The following FRRS1 variants were observed in gnomAD, a reference collection of about 807,000 sequenced individuals.
FRRS1 encodes ferric reductase 1.
Under a neutral mutation model 70.7 loss-of-function variants are expected in FRRS1, and 51 were observed. That is an observed-to-expected ratio of 0.72 (90% CI 0.58 to 0.91). The LOEUF (loss-of-function observed/expected upper bound fraction) is 0.91. Among genes scored for constraint, FRRS1 ranks in the 40% least tolerant of loss-of-function variants. The pLI, the probability that FRRS1 is intolerant of heterozygous loss-of-function variation, is 0.00. For missense variants in FRRS1, 672 were observed against 726.0 expected, an observed-to-expected ratio of 0.93 and a Z score of 0.86; for synonymous variants, 225 against 238.7, an observed-to-expected ratio of 0.94 and a Z score of 0.53.
chr1:99,756,452 AG>A (rs199569823), intron 1 of FRRS1, among the ~76,000 whole-genome samples: 1 of 46,976 alleles, frequency 2.1e-5, no homozygotes, highest in African/African-American at 8.9e-4. Flanking sequence ...CCTCAAAGCA[AG>A]TATATTCTTC....
At chr1:99,712,593 A>G in intron 12 of FRRS1, 78 bp from the exon 13 acceptor site, 1 of 708,342 alleles carries the variant, frequency 1.4e-6, no homozygotes, top group Non-Finnish European at 2.4e-6. Context: ...TAATACACAC[A>G]GATGTATTCT....
intron 1 of FRRS1, among the ~76,000 whole-genome samples, chr1:99,760,972 G>C (rs1657088801): frequency 6.6e-6 from 1 of 152,064 alleles, no homozygotes; most frequent in Admixed American, 6.6e-5. Flanking sequence ...TTCTGAAAAA[G>C]ATTTTAGAGT....
intron 8 of FRRS1, 38 bp downstream of exon 8, chr1:99,729,612 G>C (rs750626964): frequency 1.5e-6 from 2 of 1,292,972 alleles, no homozygotes; most frequent in Non-Finnish European, 2.2e-6. Context: ...CCGGAAAGCG[G>C]GTCTCCAGGT....
chr1:99,735,408 G>T (rs1031450501), intron 7 of FRRS1, among the ~76,000 whole-genome samples: 1 of 152,106 alleles, frequency 6.6e-6, no homozygotes, highest in Non-Finnish European at 1.5e-5. Flanking sequence ...TGAAAAAGGG[G>T]TATAATTTAG....
At chr1:99,753,907 A>C (rs1656699976) in intron 1 of FRRS1, among the ~76,000 whole-genome samples, 1 of 152,248 alleles carries the variant, frequency 6.6e-6, no homozygotes, top group Non-Finnish European at 1.5e-5. Flanking sequence ...CCCACTTTAA[A>C]TATAAAGACA....
intron 7 of FRRS1, among the ~76,000 whole-genome samples, chr1:99,730,750 C>A (rs1655330582): frequency 1.3e-5 from 2 of 151,894 alleles, no homozygotes; most frequent in African/African-American, 4.8e-5. Flanking sequence ...GCCTGTAGTC[C>A]CAGCTACTCA....
chr1:99,749,019 A>G lies in FRRS1; in HGVS notation c.-105-18T>C. The G allele has an allele frequency of 3.0e-6, 1 of 338,534 alleles. No homozygotes were observed. Among genetic ancestry groups the G allele is most frequent in the Non-Finnish European group, 5.3e-6 (1 of 187,940 alleles). The allele number at this position is 338,534 out of a possible 1,614,324, so 21.0% of individuals were successfully genotyped here. A position where few individuals can be genotyped will look rare whatever the true frequency, so the allele number is the denominator to read the frequency against. ...TTCCTTACCTGAAAAATAAGGAAACAAAGATCTCTTTTCAATGCTGTTTTT... is the reference window on the plus strand; with the variant it reads ...TTCCTTACCTGAAAAATAAGGAAACGAAGATCTCTTTTCAATGCTGTTTTT... On this transcript the variant is annotated intron_variant, in intron 1 of 16. Coordinates refer to ENST00000646001, the MANE Select transcript of FRRS1 (RefSeq NM_001361041.2).
chr1:99,710,665 A>G (rs1314413471), intron 15 of FRRS1, 141 bp downstream of exon 15: 5 of 652,556 alleles, frequency 7.7e-6, no homozygotes, highest in African/African-American at 1.8e-5. Context: ...GAAAATCACA[A>G]TTTCTAGCAC....
rs995297464 is a variant in FRRS1, at chr1:99,728,430, G to A, written c.1006+63C>T. 5.1e-6 allele frequency: 7 copies of A among 1,374,112 alleles called. No homozygotes were observed. The African/African-American group carries it at 8.7e-5, about 17-fold the overall frequency. 85.1% of individuals were successfully genotyped at this position (1,374,112 alleles called of 1,614,324 possible). ...AATTACAGTAGTTTTTCCAAAAATGGGGGAAAGAGAGGGAAGAAGAGAGAA... is the reference window on the plus strand; with the variant it reads ...AATTACAGTAGTTTTTCCAAAAATGAGGGAAAGAGAGGGAAGAAGAGAGAA... On this transcript the variant is annotated intron_variant, in intron 9 of 16. Coordinates refer to ENST00000646001, the MANE Select transcript of FRRS1 (RefSeq NM_001361041.2).
chr1:99,708,793 A>T lies in FRRS1; in HGVS notation c.*235T>A, dbSNP rs1654139150. The T allele has an allele frequency of 1.4e-6, 1 of 690,024 alleles. No individual in the cohort carries two copies. Among genetic ancestry groups the T allele is most frequent in the Admixed American group, 3.0e-5 (1 of 33,730 alleles). 42.7% of individuals were successfully genotyped at this position (690,024 alleles called of 1,614,324 possible). On this transcript the variant is annotated 3_prime_UTR_variant, in exon 17 of 17. Coordinates refer to ENST00000646001, the MANE Select transcript of FRRS1 (RefSeq NM_001361041.2). Reference sequence around the variant, plus strand: ...TGAGAGTTACTTCTCCTGAAGTACAATCTTTCCTTTAAGACCCAGAATTAC... The same window carrying T: ...TGAGAGTTACTTCTCCTGAAGTACATTCTTTCCTTTAAGACCCAGAATTAC...
chr1:99,742,360 C>G (rs927428254), intron 4 of FRRS1, 87 bp from the exon 5 acceptor site: 2 of 771,066 alleles, frequency 2.6e-6, no homozygotes, highest in Middle Eastern at 2.3e-4. Flanking sequence ...AGTAATTTAT[C>G]ATTGCATGAC....
At chr1:99,731,125 C>T (rs1406800106) in intron 7 of FRRS1, among the ~76,000 whole-genome samples, 2 of 152,004 alleles carry the variant, frequency 1.3e-5, no homozygotes, top group Non-Finnish European at 2.9e-5. Context: ...AAAAAGAATA[C>T]CAAAAAAGAA....
rs1654075152 is a variant in FRRS1 at position 99,707,835 on chromosome 1, T to C, written c.*1193A>G. ...GGAATATAACACTGACTATTCTGAT[T>C]CAGTAGAACATAAAAAATGTCTAAC... On this transcript the variant is annotated 3_prime_UTR_variant, in exon 17 of 17. Coordinates refer to ENST00000646001, the MANE Select transcript of FRRS1 (RefSeq NM_001361041.2). Among the ~76,000 whole-genome samples, 1 of 152,214 alleles carries C rather than the reference T, an allele frequency of 6.6e-6. No individual in the cohort carries two copies. Among genetic ancestry groups the C allele is most frequent in the Admixed American group, 6.5e-5 (1 of 15,284 alleles).
At chr1:99,750,833 TCAGA>T in intron 1 of FRRS1, among the ~76,000 whole-genome samples, 1 of 152,134 alleles carries the variant, frequency 6.6e-6, no homozygotes, top group Non-Finnish European at 1.5e-5. Flanking sequence ...CAAACTATTA[TCAGA>T]CACACAATAC....
chr1:99,704,674 G>A lies in FRRS1; in HGVS notation c.*4354C>T, dbSNP rs1028357341. Reference sequence around the variant, plus strand: ...TAGCAGGCAGACACACAAGCAGCTGGACGTGGAGAGGAACACATCGCAGAA... The same window carrying A: ...TAGCAGGCAGACACACAAGCAGCTGAACGTGGAGAGGAACACATCGCAGAA... On this transcript the variant is annotated 3_prime_UTR_variant, in exon 17 of 17. Coordinates refer to ENST00000646001, the MANE Select transcript of FRRS1 (RefSeq NM_001361041.2). Among the ~76,000 whole-genome samples, 4 of 152,136 alleles carry A rather than the reference G, an allele frequency of 2.6e-5. No individual in the cohort carries two copies. Among genetic ancestry groups the A allele is most frequent in the Non-Finnish European group, 5.9e-5 (4 of 68,026 alleles).
At chr1:99,763,667 G>A (rs745915143) in intron 1 of FRRS1, among the ~76,000 whole-genome samples, 11 of 152,118 alleles carry the variant, frequency 7.2e-5, no homozygotes, top group South Asian at 2.1e-4. Flanking sequence ...TTAGAAGTTC[G>A]AGACCAGCCT....
chr1:99,708,992 A>G lies in FRRS1; in HGVS notation c.*36T>C. On this transcript the variant is annotated 3_prime_UTR_variant, in exon 17 of 17. Coordinates refer to ENST00000646001, the MANE Select transcript of FRRS1 (RefSeq NM_001361041.2). ...AAGTTTCTTTGGTTTGATGATAATTATCACTTGGCCTGCAAAAGCCAAGGT... is the reference window on the plus strand; with the variant it reads ...AAGTTTCTTTGGTTTGATGATAATTGTCACTTGGCCTGCAAAAGCCAAGGT... 7 of 1,614,088 alleles carry G rather than the reference A, an allele frequency of 4.3e-6. No individual in the cohort carries two copies. Among genetic ancestry groups the G allele is most frequent in the Non-Finnish European group, 5.1e-6 (6 of 1,179,988 alleles).
At chr1:99,719,324 G>A (rs1341634564) in intron 10 of FRRS1, among the ~76,000 whole-genome samples, 2 of 150,194 alleles carry the variant, frequency 1.3e-5, no homozygotes, top group African/African-American at 4.9e-5. Context: ...CAGGAGAATG[G>A]TGTGAACCCG....
chr1:99,715,629 A>G lies in FRRS1; in HGVS notation c.1280T>C (p.Ile427Thr), dbSNP rs1339967519. ...GTATATAAACGGCATAACAAAAGCAATGCAGGTGAGGACAGTTGTGGTGAA... is the reference window on the plus strand; with the variant it reads ...GTATATAAACGGCATAACAAAAGCAGTGCAGGTGAGGACAGTTGTGGTGAA... ...LMFTTTVLTCIAFVMPFIYRG... is the reference protein window; with the variant it reads ...LMFTTTVLTCTAFVMPFIYRG... The change falls in exon 12 of 17, where the codon ATT becomes ACT. Residue 427 changes from isoleucine (I) to threonine (T), a missense_variant. By Grantham distance (89) the Ile-to-Thr change is moderately conservative. Coordinates refer to ENST00000646001, the MANE Select transcript of FRRS1 (RefSeq NM_001361041.2). 3 of 1,613,702 alleles carry G rather than the reference A, an allele frequency of 1.9e-6. No individual in the cohort carries two copies. The highest frequency in any genetic ancestry group is 2.5e-6 in the Non-Finnish European group (3 of 1,179,618).
Sources: gnomAD v4.1 joint callset for allele counts (sites outside exome capture counted in the v4.1 genomes callset) on GRCh38, gnomAD v4.1.1 for gene constraint, MANE v1.5 for transcripts, NCBI Gene and HGNC (gene_info 2026-07-23, HGNC 2026-07-21) for gene names.